TOR4A: variants seen among roughly 807,000 people sequenced by gnomAD.
TOR4A encodes the protein torsin-4A.
A neutral mutation model predicts 11.5 loss-of-function variants in TOR4A; 12 were observed. The ratio of observed to expected loss-of-function variants is 1.04; its 90% CI spans 0.67 to 1.69. TOR4A has a LOEUF of 1.69. Among genes scored for constraint, TOR4A ranks in the 40% most tolerant of loss-of-function variants. The pLI is 0.00. For synonymous variants in TOR4A, 362 were observed against 307.4 expected, an observed-to-expected ratio of 1.18 and a Z score of -1.86; for missense variants, 640 against 643.2, an observed-to-expected ratio of 0.99 and a Z score of 0.05.
chr9:137,279,649 C>G lies in TOR4A; in HGVS notation c.960C>G (p.Pro320=). The change falls in exon 2 of 2, where the codon CCC becomes CCG. Residue 320 remains proline (P), a synonymous_variant. Coordinates refer to ENST00000357503, the MANE Select transcript of TOR4A (RefSeq NM_017723.3). ...TGCAGAACGCGTCCCGCGCGCTGCC[C>G]CTGCGCCCCGACGGCTTCCGCAGTG... ...FVLQNASRAL[P]LRPDGFRSAE... 1 of 1,562,948 alleles carries G rather than the reference C, an allele frequency of 6.4e-7. No individual in the cohort carries two copies. The highest frequency in any genetic ancestry group is 1.8e-5 in the Admixed American group (1 of 55,300).
At position 137,280,253 on chromosome 9, in the gene TOR4A, C is replaced by T. The variant is rs1455472241; in HGVS notation, c.*292C>T. ...CCCTGTGGCCCCAAGAGGTGGGTTC[C>T]CATGGTACAAGGATGATCTCAGGGC... On this transcript the variant is annotated 3_prime_UTR_variant, in exon 2 of 2. Transcript: ENST00000357503. 3.8e-6 allele frequency: 2 copies of T among 530,634 alleles called. No individual in the cohort carries two copies. Among genetic ancestry groups the T allele is most frequent in the African/African-American group, 3.8e-5 (2 of 52,632 alleles). The allele number at this position is 530,634 out of a possible 1,614,324, so 32.9% of individuals were successfully genotyped here. A position where few individuals can be genotyped will look rare whatever the true frequency, so the allele number is the denominator to read the frequency against.
intron 1 of TOR4A, among the ~76,000 whole-genome samples, chr9:137,278,218 C>T (rs1830667132): frequency 6.6e-6 from 1 of 152,192 alleles, no homozygotes; most frequent in South Asian, 2.1e-4. Context: ...GCTCAGGCCT[C>T]TGCTTCCCGC....
In TOR4A at chr9:137,278,830, G is replaced by A. The variant is rs1564448137; in HGVS notation, c.141G>A (p.Pro47=). 2.7e-6 allele frequency: 4 copies of A among 1,493,018 alleles called. No homozygotes were observed. The South Asian group carries it at 5.1e-5, about 19-fold the overall frequency. The allele number at this position is 1,493,018 out of a possible 1,614,324, so 92.5% of individuals were successfully genotyped here. A position where few individuals can be genotyped will look rare whatever the true frequency, so the allele number is the denominator to read the frequency against. The part of the protein sequence containing the change: ...CVLRKRRLLQ[P]GGGPDVGTGA... ...TACGCAAACGGCGCCTCCTGCAGCC[G>A]GGTGGGGGGCCCGACGTCGGGACCG... Residue 47 remains proline (P), a synonymous_variant, in exon 2 of 2, where the codon CCG becomes CCA. Transcript: ENST00000357503.
rs187400075 is a variant in TOR4A at position 137,281,464 on chromosome 9, C to T, written c.*1503C>T. 1,170 of 161,838 alleles carry T rather than the reference C, an allele frequency of 7.2e-3. 9 individuals are homozygous for T. The highest frequency in any genetic ancestry group is 9.2e-3 in the Non-Finnish European group (625 of 68,126). 10.0% of individuals were successfully genotyped at this position (161,838 alleles called of 1,614,324 possible). On this transcript the variant is annotated 3_prime_UTR_variant, in exon 2 of 2. Transcript: ENST00000357503. Reference sequence around the variant, plus strand: ...CCGGAGGGTGTCCTGTTCTCTCCCCCGCCTCGCATCCATTCTCGCCCTGGT... The same window carrying T: ...CCGGAGGGTGTCCTGTTCTCTCCCCTGCCTCGCATCCATTCTCGCCCTGGT...
rs906199527 is a variant in TOR4A at position 137,279,038 on chromosome 9, A to G, written c.349A>G (p.Ser117Gly). 19 of 1,604,022 alleles carry G rather than the reference A, an allele frequency of 1.2e-5. No homozygotes were observed. Among genetic ancestry groups the G allele is most frequent in the Admixed American group, 1.7e-5 (1 of 58,990 alleles). Residue 117 changes from serine (S) to glycine (G), a missense_variant, in exon 2 of 2, where the codon AGC becomes GGC. Coordinates refer to ENST00000357503, the MANE Select transcript of TOR4A (RefSeq NM_017723.3). ...GTATCGGCCGCGCGTGGAGCACAGGAGCCGCGCGCAGCGCTGCCTTCTGCT... is the reference window on the plus strand; with the variant it reads ...GTATCGGCCGCGCGTGGAGCACAGGGGCCGCGCGCAGCGCTGCCTTCTGCT... ...RKYRPRVEHR[S>G]RAQRCLLLLV...
At position 137,281,392 on chromosome 9, in the gene TOR4A, C is replaced by A. The variant is rs980728459; in HGVS notation, c.*1431C>A. On this transcript the variant is annotated 3_prime_UTR_variant, in exon 2 of 2. Transcript: ENST00000357503. The stretch of plus-strand genomic sequence containing the variant: ...AGACCGCGCCCACCAGCGCCGGTGT[C>A]CCCGGAGGGGCCCCGCTAGTTCCCT... 1.3e-5 allele frequency: 2 copies of A among 155,956 alleles called. No homozygotes were observed. The highest frequency in any genetic ancestry group is 4.8e-5 in the African/African-American group (2 of 41,470). The allele number at this position is 155,956 out of a possible 1,614,324, so 9.7% of individuals were successfully genotyped here.
chr9:137,279,492 T>A lies in TOR4A; in HGVS notation c.803T>A (p.Val268Glu). 6.4e-7 allele frequency: 1 copy of A among 1,570,438 alleles called. No individual in the cohort carries two copies. Among genetic ancestry groups the A allele is most frequent in the African/African-American group, 1.4e-5 (1 of 73,994 alleles). The change falls in exon 2 of 2, where the codon GTG (valine) becomes GAG (glutamate). Residue 268 changes from valine to glutamate, a missense_variant. Physicochemically the swap from Val to Glu is moderately radical, Grantham distance 121. Transcript: ENST00000357503. Reference sequence around the variant, plus strand: ...ACCCCACTCTTGGTGCTGGACGACGTGGAGCTCATGCCGCGGCCGCTGCTG... The same window carrying A: ...ACCCCACTCTTGGTGCTGGACGACGAGGAGCTCATGCCGCGGCCGCTGCTG... ...EKTPLLVLDD[V>E]ELMPRPLLDE...
In TOR4A at chr9:137,278,764, C is replaced by G; in HGVS notation, c.75C>G (p.Pro25=). 2.8e-6 allele frequency: 4 copies of G among 1,427,392 alleles called. No homozygotes were observed. Among genetic ancestry groups the G allele is most frequent in the Non-Finnish European group, 3.6e-6 (4 of 1,101,510 alleles). 88.4% of individuals were successfully genotyped at this position (1,427,392 alleles called of 1,614,324 possible). A position where few individuals can be genotyped will look rare whatever the true frequency, so the allele number is the denominator to read the frequency against. The change falls in exon 2 of 2, where the codon CCC becomes CCG. Residue 25 remains proline, a synonymous_variant. Coordinates refer to ENST00000357503, the MANE Select transcript of TOR4A (RefSeq NM_017723.3). The part of the protein sequence containing the change: ...PRASGRCVIA[P]VRAVLRLRRR... ...CCTCGGGCCGGTGCGTGATCGCGCC[C>G]GTGCGCGCTGTGCTCCGCCTGCGCC...
chr9:137,280,287 C>A lies in TOR4A; in HGVS notation c.*326C>A. 1 of 395,944 alleles carries A rather than the reference C, an allele frequency of 2.5e-6. No homozygotes were observed. The highest frequency in any genetic ancestry group is 4.8e-6 in the Non-Finnish European group (1 of 210,390). The allele number at this position is 395,944 out of a possible 1,614,324, so 24.5% of individuals were successfully genotyped here. On this transcript the variant is annotated 3_prime_UTR_variant, in exon 2 of 2. Coordinates refer to ENST00000357503, the MANE Select transcript of TOR4A (RefSeq NM_017723.3). ...AAGGATGATCTCAGGGCCAACAATT[C>A]CCGGGGTCACACAGCTGGGACGTGA... is the stretch of plus-strand genomic sequence containing the variant.
chr9:137,280,312 A>C lies in TOR4A; in HGVS notation c.*351A>C, dbSNP rs1036994312. The C allele has an allele frequency of 9.3e-6, 3 of 323,592 alleles. No individual in the cohort carries two copies. Among genetic ancestry groups the C allele is most frequent in the Non-Finnish European group, 1.8e-5 (3 of 166,436 alleles). The allele number at this position is 323,592 out of a possible 1,614,324, so 20.0% of individuals were successfully genotyped here. A position where few individuals can be genotyped will look rare whatever the true frequency, so the allele number is the denominator to read the frequency against. Reference sequence around the variant, plus strand: ...CCCGGGGTCACACAGCTGGGACGTGACCCCGCCTCTTGGGGGTGGTCGCGT... The same window carrying C: ...CCCGGGGTCACACAGCTGGGACGTGCCCCCGCCTCTTGGGGGTGGTCGCGT... On this transcript the variant is annotated 3_prime_UTR_variant, in exon 2 of 2. Transcript: ENST00000357503.
Position 137,280,373 on chromosome 9 carries a change from C to A in TOR4A, c.*412C>A, listed in dbSNP as rs1258734478. ...GCTGAAGTGGGGTTCTCATTCCGGCCCCCCTGGAGATGACCCCGGAGGAGG... is the reference window on the plus strand; with the variant it reads ...GCTGAAGTGGGGTTCTCATTCCGGCACCCCTGGAGATGACCCCGGAGGAGG... On this transcript the variant is annotated 3_prime_UTR_variant, in exon 2 of 2. Transcript: ENST00000357503. 9.8e-6 allele frequency: 2 copies of A among 203,684 alleles called. No homozygotes were observed. The highest frequency in any genetic ancestry group is 2.2e-5 in the Non-Finnish European group (2 of 91,942). 12.6% of individuals were successfully genotyped at this position (203,684 alleles called of 1,614,324 possible).
In TOR4A at chr9:137,280,333, C is replaced by A; in HGVS notation, c.*372C>A. The A allele has an allele frequency of 3.5e-6, 1 of 283,936 alleles. No homozygotes were observed. The allele number at this position is 283,936 out of a possible 1,614,324, so 17.6% of individuals were successfully genotyped here. ...CGTGACCCCGCCTCTTGGGGGTGGT[C>A]GCGTGTTGCTCAGTGCTGAAGTGGG... On this transcript the variant is annotated 3_prime_UTR_variant, in exon 2 of 2. Coordinates refer to ENST00000357503, the MANE Select transcript of TOR4A (RefSeq NM_017723.3).
In TOR4A at chr9:137,279,448, G is replaced by C. The variant is rs2119001081; in HGVS notation, c.759G>C (p.Arg253=). ...LARRVADVVA[R]AEAEEKTPLL... ...GGCGCGTGGCCGACGTGGTGGCGCG[G>C]GCCGAAGCGGAGGAGAAGACCCCAC... Residue 253 remains arginine (R), a synonymous_variant, in exon 2 of 2, where the codon CGG becomes CGC. Transcript: ENST00000357503. 1 of 1,541,012 alleles carries C rather than the reference G, an allele frequency of 6.5e-7. No homozygotes were observed. The highest frequency in any genetic ancestry group is 1.2e-5 in the South Asian group (1 of 84,072).
chr9:137,279,017 C>A lies in TOR4A; in HGVS notation c.328C>A (p.Arg110=). ...TTACCCGGAGACCTCGCGCAAGTATCGGCCGCGCGTGGAGCACAGGAGCCG... is the reference window on the plus strand; with the variant it reads ...TTACCCGGAGACCTCGCGCAAGTATAGGCCGCGCGTGGAGCACAGGAGCCG... ...VLYPETSRKY[R]PRVEHRSRAQ... The change falls in exon 2 of 2, where the codon CGG becomes AGG. Residue 110 remains arginine (R), a synonymous_variant. Coordinates refer to ENST00000357503, the MANE Select transcript of TOR4A (RefSeq NM_017723.3). 1 of 1,604,666 alleles carries A rather than the reference C, an allele frequency of 6.2e-7. No individual in the cohort carries two copies. Among genetic ancestry groups the A allele is most frequent in the East Asian group, 2.3e-5 (1 of 44,322 alleles).
chr9:137,278,102 G>A (rs894157105), intron 1 of TOR4A, among the ~76,000 whole-genome samples, 195 bp downstream of exon 1: 3 of 152,218 alleles, frequency 2.0e-5, no homozygotes, highest in Non-Finnish European at 2.9e-5. Context: ...GGAGGCCTGG[G>A]TTGAGCCTGG....
Position 137,279,004 on chromosome 9 carries a change from C to G in TOR4A, c.315C>G (p.Thr105=). The G allele has an allele frequency of 6.2e-7, 1 of 1,606,758 alleles. No individual in the cohort carries two copies. Reference sequence around the variant, plus strand: ...GCCGCCTGGTGCTTTACCCGGAGACCTCGCGCAAGTATCGGCCGCGCGTGG... The same window carrying G: ...GCCGCCTGGTGCTTTACCCGGAGACGTCGCGCAAGTATCGGCCGCGCGTGG... ...RRSRLVLYPE[T]SRKYRPRVEH... is the part of the protein sequence containing the mutation. Residue 105 remains threonine, a synonymous_variant, in exon 2 of 2, where the codon ACC becomes ACG. Transcript: ENST00000357503.
chr9:137,279,499 C>T lies in TOR4A; in HGVS notation c.810C>T (p.Leu270=). The T allele has an allele frequency of 6.4e-7, 1 of 1,573,572 alleles. No homozygotes were observed. The highest frequency in any genetic ancestry group is 8.6e-7 in the Non-Finnish European group (1 of 1,161,960). The change falls in exon 2 of 2, where the codon CTC becomes CTT. Residue 270 remains leucine, a synonymous_variant. Coordinates refer to ENST00000357503, the MANE Select transcript of TOR4A (RefSeq NM_017723.3). ...TCTTGGTGCTGGACGACGTGGAGCTCATGCCGCGGCCGCTGCTGGACGAGC... is the reference window on the plus strand; with the variant it reads ...TCTTGGTGCTGGACGACGTGGAGCTTATGCCGCGGCCGCTGCTGGACGAGC... ...TPLLVLDDVE[L]MPRPLLDELH... is the part of the protein sequence containing the mutation.
At position 137,278,679 on chromosome 9, in the gene TOR4A, G is replaced by T; in HGVS notation, c.-11G>T. ...GAGGGCGACCTGTATGCGGAGCGCC[G>T]TTCCTGCGACATGGACCGCGGCCAG... On this transcript the variant is annotated 5_prime_UTR_variant, in exon 2 of 2. Coordinates refer to ENST00000357503, the MANE Select transcript of TOR4A (RefSeq NM_017723.3). The T allele has an allele frequency of 1.8e-5, 24 of 1,333,730 alleles. No individual in the cohort carries two copies. Among genetic ancestry groups the T allele is most frequent in the Non-Finnish European group, 2.3e-5 (24 of 1,044,574 alleles). The allele number at this position is 1,333,730 out of a possible 1,614,324, so 82.6% of individuals were successfully genotyped here.
Position 137,279,135 on chromosome 9 carries a change from A to T in TOR4A, c.446A>T (p.Asp149Val). 1 of 1,583,170 alleles carries T rather than the reference A, an allele frequency of 6.3e-7. No individual in the cohort carries two copies. Among genetic ancestry groups the T allele is most frequent in the Non-Finnish European group, 8.6e-7 (1 of 1,165,106 alleles). ...ENLDDNAQRY[D>V]LDGLEKALQR... Reference sequence around the variant, plus strand: ...CTGGACGATAACGCGCAGCGCTATGACCTCGACGGGCTGGAGAAAGCGCTG... The same window carrying T: ...CTGGACGATAACGCGCAGCGCTATGTCCTCGACGGGCTGGAGAAAGCGCTG... Residue 149 changes from aspartate to valine, a missense_variant, in exon 2 of 2, where the codon GAC becomes GTC. Transcript: ENST00000357503.
Sources: gnomAD v4.1 joint callset for allele counts (sites outside exome capture counted in the v4.1 genomes callset) on GRCh38, gnomAD v4.1.1 for gene constraint, MANE v1.5 for transcripts, NCBI Gene and HGNC (gene_info 2026-07-23, HGNC 2026-07-21) for gene names.